Variants in LARP1 observed in about 807,000 individuals in gnomAD.
LARP1 encodes la-related protein 1.
Under a neutral mutation model 122.7 loss-of-function variants are expected in LARP1, and 36 were observed. The ratio of observed to expected loss-of-function variants is 0.29; its 90% confidence interval spans 0.22 to 0.39. LARP1 has a LOEUF of 0.39. LARP1 is among the 10% of genes least tolerant of loss of function. The pLI, the probability that LARP1 is intolerant of heterozygous loss-of-function variation, is 1.00. For missense variants in LARP1, 1,040 were observed against 1,403.6 expected, an observed-to-expected ratio of 0.74 and a Z score of 4.14; for synonymous variants, 539 against 528.7, an observed-to-expected ratio of 1.02 and a Z score of -0.27.
intron 1 of LARP1, among the ~76,000 whole-genome samples, chr5:154,760,287 C>T (rs1413355809): frequency 3.3e-5 from 5 of 151,896 alleles, no homozygotes; most frequent in Non-Finnish European, 7.4e-5. Flanking sequence ...AATGTGGACA[C>T]CGGCAAACGC....
intron 1 of LARP1, among the ~76,000 whole-genome samples, chr5:154,690,590 C>T (rs1190015787): frequency 6.6e-6 from 1 of 152,198 alleles, no homozygotes; most frequent in Non-Finnish European, 1.5e-5. Context: ...CGCCCGGCCC[C>T]AGAGCGAGAC....
At chr5:154,800,085 G>C (rs1362489559) in intron 10 of LARP1, 43 bp downstream of exon 10, 6 of 1,581,394 alleles carry the variant, frequency 3.8e-6, no homozygotes, top group Non-Finnish European at 5.2e-6. Flanking sequence ...AGCACTCTGA[G>C]CTAGGGTGCT....
intron 1 of LARP1, among the ~76,000 whole-genome samples, chr5:154,756,805 T>G (rs996668668): frequency 6.6e-6 from 1 of 152,044 alleles, no homozygotes; most frequent in Non-Finnish European, 1.5e-5. Context: ...ACCCATCGTG[T>G]CATCGAATTC....
At chr5:154,780,919 C>T (rs896692680) in intron 1 of LARP1, among the ~76,000 whole-genome samples, 1 of 152,118 alleles carries the variant, frequency 6.6e-6, no homozygotes, top group Admixed American at 6.5e-5. Flanking sequence ...AAAAATTAGA[C>T]AGGCTTGGTG....
chr5:154,747,199 G>A (rs560987940), intron 1 of LARP1, among the ~76,000 whole-genome samples: 2 of 150,830 alleles, frequency 1.3e-5, no homozygotes, highest in South Asian at 4.2e-4. Context: ...CCAGCTACTT[G>A]GGAGGCTAAA....
At chr5:154,738,459 G>C (rs1757034878) in intron 1 of LARP1, among the ~76,000 whole-genome samples, 1 of 152,218 alleles carries the variant, frequency 6.6e-6, no homozygotes, top group South Asian at 2.1e-4. Context: ...AGGTTTGGCA[G>C]CACATGCCTG....
chr5:154,765,576 T>G (rs1444513102), intron 1 of LARP1, among the ~76,000 whole-genome samples: 1 of 152,132 alleles, frequency 6.6e-6, no homozygotes, highest in Non-Finnish European at 1.5e-5. Context: ...TAATTTTTTG[T>G]AGGAATGGGG....
intron 1 of LARP1, among the ~76,000 whole-genome samples, chr5:154,765,139 C>T (rs1754829459): frequency 6.6e-6 from 1 of 152,076 alleles, no homozygotes; most frequent in African/African-American, 2.4e-5. Context: ...TGGTCTCTGT[C>T]CACCTAACCT....
At chr5:154,790,148 G>GTTAC (rs1421660260) in intron 1 of LARP1, among the ~76,000 whole-genome samples, 177 bp from the exon 2 acceptor site, 18 of 152,302 alleles carry the variant, frequency 1.2e-4, no homozygotes, top group Non-Finnish European at 2.5e-4. Context: ...TCAGGAGTGG[G>GTTAC]CTGGTAAAAT....
chr5:154,797,233 T>TG (rs1302204877), intron 8 of LARP1, among the ~76,000 whole-genome samples: 34 of 130,260 alleles, frequency 2.6e-4, no homozygotes, highest in African/African-American at 9.5e-4. Flanking sequence ...TTTTTTTTTT[T>TG]TTTTTTTTTT....
At chr5:154,789,081 C>T (rs547215059) in intron 1 of LARP1, among the ~76,000 whole-genome samples, 11 of 151,732 alleles carry the variant, frequency 7.2e-5, no homozygotes, top group South Asian at 2.1e-4. Flanking sequence ...CATGGTGGCG[C>T]GCACTTGCAG....
rs1216512536 is a variant in LARP1 at position 154,806,016 on chromosome 5, T to A, written c.2682T>A (p.Arg894=). Residue 894 remains arginine (R), a synonymous_variant, in exon 15 of 19, where the codon CGT becomes CGA. Transcript: ENST00000518297. The stretch of plus-strand genomic sequence containing the variant: ...CACAACACGTCTACCATAAGTATCG[T>A]AGGCGCTGCCTTAATGGTAAGAAGT... ...GFTQHVYHKY[R]RRCLNERKRL... is the part of the protein sequence containing the mutation. 6.2e-7 allele frequency: 1 copy of A among 1,614,082 alleles called. No individual in the cohort carries two copies. Among genetic ancestry groups the A allele is most frequent in the South Asian group, 1.1e-5 (1 of 91,072 alleles).
At chr5:154,811,390 G>A (rs1186678930) in intron 17 of LARP1, 34 bp downstream of exon 17, 1 of 1,600,792 alleles carries the variant, frequency 6.2e-7, no homozygotes, top group East Asian at 2.2e-5. Flanking sequence ...GTGAGGCCTG[G>A]TCATGTAGGC....
chr5:154,785,230 G>C (rs561940234), intron 1 of LARP1, among the ~76,000 whole-genome samples: 12 of 152,350 alleles, frequency 7.9e-5, no homozygotes, highest in African/African-American at 2.9e-4. Context: ...TCCCCATCCA[G>C]TGGGCATGGA....
chr5:154,799,621 G>A lies in LARP1; in HGVS notation c.1408G>A (p.Val470Ile), dbSNP rs752964192. 5.6e-6 allele frequency: 9 copies of A among 1,613,848 alleles called. No individual in the cohort carries two copies. The highest frequency in any genetic ancestry group is 5.3e-5 in the African/African-American group (4 of 74,850). ...AAAGGACAGCAAGGTGGTGGAGATC[G>A]TTGATGAGAAAGTTCGTAGGAGGGA... ...ALKDSKVVEIVDEKVRRREEP... is the reference protein window; with the variant it reads ...ALKDSKVVEIIDEKVRRREEP... The change falls in exon 9 of 19, where the codon GTT becomes ATT. Residue 470 changes from valine to isoleucine, a missense_variant. Coordinates refer to ENST00000518297, the MANE Select transcript of LARP1 (RefSeq NM_033551.3).
chr5:154,811,481 C>T lies in LARP1; in HGVS notation c.2954-32C>T, dbSNP rs528140381. The T allele has an allele frequency of 5.0e-6, 8 of 1,614,060 alleles. No individual in the cohort carries two copies. In the South Asian group the frequency reaches 6.6e-5, roughly 13 times the overall value. On this transcript the variant is annotated intron_variant, in intron 17 of 18. Coordinates refer to ENST00000518297, the MANE Select transcript of LARP1 (RefSeq NM_033551.3). The stretch of plus-strand genomic sequence containing the variant: ...TCTCCTCTGAGCTTCTTTATCCTCA[C>T]CAGCTCAGCTTTTCTGTACCTCTCC...
chr5:154,761,972 G>A (rs1473580554), intron 1 of LARP1, among the ~76,000 whole-genome samples: 1 of 152,056 alleles, frequency 6.6e-6, no homozygotes, highest in Admixed American at 6.6e-5. Flanking sequence ...CTGGGCGCGG[G>A]GGTTCACACC....
At chr5:154,792,214 G>C (rs559915289) in intron 3 of LARP1, among the ~76,000 whole-genome samples, 1 of 152,314 alleles carries the variant, frequency 6.6e-6, no homozygotes, top group South Asian at 2.1e-4. Flanking sequence ...CTGGCCAGTG[G>C]CTTAGAGTCT....
chr5:154,814,854 A>C lies in LARP1; in HGVS notation c.*758A>C, dbSNP rs1359386183. 6.6e-6 allele frequency: 1 copy of C among 152,176 alleles called. No individual in the cohort carries two copies. The highest frequency in any genetic ancestry group is 1.5e-5 in the Non-Finnish European group (1 of 67,970). 9.4% of individuals were successfully genotyped at this position (152,176 alleles called of 1,614,324 possible). On this transcript the variant is annotated 3_prime_UTR_variant, in exon 19 of 19. Coordinates refer to ENST00000518297, the MANE Select transcript of LARP1 (RefSeq NM_033551.3). ...TCTCTGACCTTTCCATCCTTGAAAAAATGGGGAAAAAAGAAGAAAAAAGAC... is the reference window on the plus strand; with the variant it reads ...TCTCTGACCTTTCCATCCTTGAAAACATGGGGAAAAAAGAAGAAAAAAGAC...
Sources: gnomAD v4.1 joint callset for allele counts (sites outside exome capture counted in the v4.1 genomes callset) on GRCh38, gnomAD v4.1.1 for gene constraint, MANE v1.5 for transcripts, NCBI Gene and HGNC (gene_info 2026-07-23, HGNC 2026-07-21) for gene names.